DENND5A: variants seen among roughly 807,000 people sequenced by gnomAD.
The protein encoded by DENND5A is DENN domain-containing protein 5A.
In DENND5A, 64 loss-of-function variants were observed where a neutral mutation model predicts 140.3. The observed-to-expected ratio is 0.46, with a 90% CI of 0.37 to 0.56. DENND5A has a LOEUF of 0.56. Among genes scored for constraint, DENND5A ranks in the 20% least tolerant of loss-of-function variants. DENND5A has a pLI of 0.00. For synonymous variants in DENND5A, 605 were observed against 607.7 expected, an observed-to-expected ratio of 1.00 and a Z score of 0.07; for missense variants, 1,292 against 1,593.8, an observed-to-expected ratio of 0.81 and a Z score of 3.22.
Position 9,139,413 on chromosome 11 carries a change from GGGCACCAGCTTCAAAATAAGC to G in DENND5A, c.*237_*257del. On this transcript the variant is annotated 3_prime_UTR_variant, in exon 23 of 23. Coordinates refer to ENST00000328194, the MANE Select transcript of DENND5A (RefSeq NM_015213.4). ...TCCAGCATGTGGCCACGGCGAGGGA[GGGCACCAGCTTCAAAATAAGC>G]GGCACCAGCCTCGCTCCCTCTCCCT... 2.2e-6 allele frequency: 1 copy of G among 459,708 alleles called. No individual in the cohort carries two copies. The highest frequency in any genetic ancestry group is 3.5e-5 in the Admixed American group (1 of 28,744). 28.5% of individuals were successfully genotyped at this position (459,708 alleles called of 1,614,324 possible).
intron 8 of DENND5A, chr11:9,175,376 G>A (rs1216839396): frequency 6.6e-6 from 1 of 152,134 alleles, no homozygotes; most frequent in Non-Finnish European, 1.5e-5. Flanking sequence ...GGAAAGATAT[G>A]CCATGTTAAT....
At chr11:9,141,804 C>G (rs769955308) in intron 22 of DENND5A, 136 bp downstream of exon 22, 118 of 695,986 alleles carry the variant, frequency 1.7e-4, no homozygotes, top group Non-Finnish European at 2.4e-4. Context: ...AAATTCAGGG[C>G]TTCTAGGAAA....
chr11:9,183,184 C>T (rs1848791795), intron 5 of DENND5A, among the ~76,000 whole-genome samples: 1 of 152,128 alleles, frequency 6.6e-6, no homozygotes. Context: ...TGAATCTGTT[C>T]TAGCCAAGAC....
chr11:9,250,510 C>G (rs1851674250), intron 1 of DENND5A, among the ~76,000 whole-genome samples: 1 of 152,112 alleles, frequency 6.6e-6, no homozygotes, highest in South Asian at 2.1e-4. Context: ...TATGCCACTG[C>G]TTCAGTTTTC....
chr11:9,263,570 C>T (rs1211622551), intron 1 of DENND5A, among the ~76,000 whole-genome samples: 19 of 144,940 alleles, frequency 1.3e-4, no homozygotes, highest in South Asian at 9.4e-4. Flanking sequence ...GGGCCGGGCG[C>T]GGTGGCTCAC....
chr11:9,235,175 A>G (rs549705795), intron 1 of DENND5A, among the ~76,000 whole-genome samples: 54 of 152,344 alleles, frequency 3.5e-4, no homozygotes, highest in African/African-American at 1.3e-3. Flanking sequence ...AAACTTGTAC[A>G]TGAATGTTCA....
intron 1 of DENND5A, among the ~76,000 whole-genome samples, chr11:9,236,222 CAA>C (rs140163795): frequency 1.3e-4 from 11 of 87,998 alleles, no homozygotes; most frequent in Admixed American, 3.8e-4. Context: ...GACCCTGTCT[CAA>C]AAAAAAAAAA....
At chr11:9,145,522 C>A in intron 17 of DENND5A, 148 bp downstream of exon 17, 4 of 903,744 alleles carry the variant, frequency 4.4e-6, no homozygotes, top group Non-Finnish European at 6.9e-6. Flanking sequence ...GTCTTTGGAT[C>A]CAGCCTCAGA....
intron 1 of DENND5A, among the ~76,000 whole-genome samples, chr11:9,221,924 A>AT (rs1382466098): frequency 6.6e-6 from 1 of 151,656 alleles, no homozygotes; most frequent in Non-Finnish European, 1.5e-5. Context: ...CGCCCGGCTA[A>AT]TTTTTTATAT....
At chr11:9,142,928 A>C in intron 20 of DENND5A, 83 bp from the exon 21 acceptor site, 1 of 1,553,296 alleles carries the variant, frequency 6.4e-7, no homozygotes, top group South Asian at 1.2e-5. Flanking sequence ...CCCACAGCCC[A>C]GAGTTGGGAG....
intron 1 of DENND5A, among the ~76,000 whole-genome samples, chr11:9,244,745 A>C (rs549006323): frequency 6.6e-6 from 1 of 152,230 alleles, no homozygotes; most frequent in East Asian, 1.9e-4. Flanking sequence ...TCACTATCTC[A>C]GCTCACTGCA....
At chr11:9,232,088 A>G (rs1332099851) in intron 1 of DENND5A, among the ~76,000 whole-genome samples, 5 of 152,160 alleles carry the variant, frequency 3.3e-5, no homozygotes, top group Non-Finnish European at 7.3e-5. Flanking sequence ...CAGACTGTTT[A>G]AGAAAATTAA....
chr11:9,265,131 G>T lies in DENND5A; in HGVS notation c.-62C>A. On this transcript the variant is annotated 5_prime_UTR_variant, in exon 1 of 23. Transcript: ENST00000328194. This position sits in a 1 kb window ranked among gnomAD's most constrained non-coding sequence, Gnocchi z 4.7. ...GGCACCGAGCCCCCGCAACCCGGGCGCCCGCCCGTCCGCCCTCAGGCCGCC... is the reference window on the plus strand; with the variant it reads ...GGCACCGAGCCCCCGCAACCCGGGCTCCCGCCCGTCCGCCCTCAGGCCGCC... The T allele has an allele frequency of 1.9e-6, 2 of 1,034,098 alleles. No homozygotes were observed. The highest frequency in any genetic ancestry group is 2.4e-6 in the Non-Finnish European group (2 of 838,044). The allele number at this position is 1,034,098 out of a possible 1,614,324, so 64.1% of individuals were successfully genotyped here. A position where few individuals can be genotyped will look rare whatever the true frequency, so the allele number is the denominator to read the frequency against.
rs1288222578 is a variant in DENND5A at position 9,180,914 on chromosome 11, C to T, written c.1308G>A (p.Lys436=). The T allele has an allele frequency of 1.2e-6, 2 of 1,614,086 alleles. No individual in the cohort carries two copies. The highest frequency in any genetic ancestry group is 1.3e-5 in the African/African-American group (1 of 74,938). ...LHCSESASKL[K]RLRASELVSD... is the part of the protein sequence containing the mutation. ...AGACAAGCTCAGAGGCCCGCAGCCTCTTCAGCTTGGAGGCACTCTCACTGC... is the reference window on the plus strand; with the variant it reads ...AGACAAGCTCAGAGGCCCGCAGCCTTTTCAGCTTGGAGGCACTCTCACTGC... The change falls in exon 6 of 23, where the codon AAG becomes AAA. Residue 436 remains lysine, a synonymous_variant. Coordinates refer to ENST00000328194, the MANE Select transcript of DENND5A (RefSeq NM_015213.4).
chr11:9,257,475 C>T (rs1227535221), intron 1 of DENND5A, among the ~76,000 whole-genome samples: 4 of 143,748 alleles, frequency 2.8e-5, no homozygotes, highest in Non-Finnish European at 6.1e-5. Flanking sequence ...TAATCACACA[C>T]AGTATTCTTT....
intron 4 of DENND5A, among the ~76,000 whole-genome samples, chr11:9,198,146 T>C (rs1028510961): frequency 5.3e-5 from 8 of 152,118 alleles, no homozygotes; most frequent in Non-Finnish European, 8.8e-5. Flanking sequence ...GAAACAAAAT[T>C]AAATGCTTTT....
chr11:9,207,101 T>A (rs76354999), intron 2 of DENND5A: 10 of 328,310 alleles, frequency 3.0e-5, no homozygotes, highest in Non-Finnish European at 4.5e-5. Flanking sequence ...TGTATCTATC[T>A]TTTTTTTTTC....
rs112989622 is a variant in DENND5A at position 9,245,282 on chromosome 11, C to CAA, written c.109+19677_109+19678dup. The CAA allele has an allele frequency of 1.5e-3, 144 of 96,186 alleles. 1 individual carries two copies. Among genetic ancestry groups the CAA allele is most frequent in the Non-Finnish European group, 2.0e-3 (94 of 47,568 alleles). 6.0% of individuals were successfully genotyped at this position (96,186 alleles called of 1,614,324 possible). A position where few individuals can be genotyped will look rare whatever the true frequency, so the allele number is the denominator to read the frequency against. ...CCTGGCGACAGAGCAAGACTGTCAC[C>CAA]AAAAAAAAAAAAAAACACAAAAAAA... On this transcript the variant is annotated intron_variant, in intron 1 of 22. Coordinates refer to ENST00000328194, the MANE Select transcript of DENND5A (RefSeq NM_015213.4).
intron 12 of DENND5A, among the ~76,000 whole-genome samples, chr11:9,158,972 CA>C (rs1320258975): frequency 6.6e-6 from 1 of 152,168 alleles, no homozygotes; most frequent in Non-Finnish European, 1.5e-5. Flanking sequence ...TCATCACCCC[CA>C]AAAGACACTC....
Sources: allele counts gnomAD v4.1 joint callset (sites outside exome capture counted in the v4.1 genomes callset), GRCh38; gene constraint gnomAD v4.1.1; non-coding constraint Gnocchi (gnomAD v3.1); transcripts MANE v1.5; gene names NCBI Gene and HGNC (gene_info 2026-07-23, HGNC 2026-07-21).